Variants in ARPP21 observed in about 807,000 individuals in gnomAD.
The protein encoded by ARPP21 is cAMP-regulated phosphoprotein 21.
A neutral mutation model predicts 113.2 loss-of-function variants in ARPP21; 69 were observed. That is an observed-to-expected ratio of 0.61 (90% CI 0.50 to 0.74). ARPP21 has a LOEUF of 0.74. ARPP21 is among the 30% of genes least tolerant of loss of function. ARPP21 has a pLI of 0.00. For missense variants in ARPP21, 1,070 were observed against 1,037.4 expected (o/e 1.03, Z -0.43); for synonymous variants, 368 against 375.5 (o/e 0.98, Z 0.23).
intron 18 of ARPP21, among the ~76,000 whole-genome samples, chr3:35,743,462 G>A (rs2094806163): frequency 6.6e-6 from 1 of 152,082 alleles, no homozygotes; most frequent in Non-Finnish European, 1.5e-5. Context: ...CAGTCAATTG[G>A]GGGTACCTGT....
intron 18 of ARPP21, among the ~76,000 whole-genome samples, chr3:35,742,293 G>T (rs1477363487): frequency 6.6e-6 from 1 of 152,168 alleles, no homozygotes; most frequent in Non-Finnish European, 1.5e-5. Context: ...GATGAAAGTT[G>T]TTCCTATTTT....
At chr3:35,738,139 G>A in intron 16 of ARPP21, 75 bp from the exon 17 acceptor site, 3 of 914,738 alleles carry the variant, frequency 3.3e-6, no homozygotes, top group South Asian at 2.9e-5. Flanking sequence ...GCCTATGAAG[G>A]ACAGTGGTGT....
intron 19 of ARPP21, among the ~76,000 whole-genome samples, chr3:35,760,316 T>G (rs1167172132): frequency 6.6e-6 from 1 of 152,074 alleles, no homozygotes. Context: ...TTGGTGGCAT[T>G]GTCTTGAAGA....
rs138453049 is a variant in ARPP21 at position 35,718,065 on chromosome 3, G to A, written c.995+708G>A. The stretch of plus-strand genomic sequence containing the variant: ...TTAATGTGTTAATGTGTTTATGAGT[G>A]TTAGGATTTACCTCCGTTGCAGGAA... On this transcript the variant is annotated intron_variant, in intron 13 of 20. Transcript: ENST00000684406. Among the ~76,000 whole-genome samples, 545 of 152,240 alleles carry A rather than the reference G, an allele frequency of 3.6e-3. 3 individuals are homozygous for A. The highest frequency in any genetic ancestry group is 0.012 in the African/African-American group (505 of 41,558).
rs1168077818 is a variant in ARPP21, at chr3:35,729,287, T to G, written c.1226-16T>G. 1 of 1,580,966 alleles carries G rather than the reference T, an allele frequency of 6.3e-7. No individual in the cohort carries two copies. The highest frequency in any genetic ancestry group is 1.3e-5 in the African/African-American group (1 of 74,266). ...TCTGTGTGTTCAATGATTTGTTGAT[T>G]GTATCCCTATGCCAGGTTCCGAGTC... On this transcript the variant is annotated splice_polypyrimidine_tract_variant and intron_variant, in intron 14 of 20. Coordinates refer to ENST00000684406, the MANE Select transcript of ARPP21 (RefSeq NM_001385562.1).
At chr3:35,691,572 G>T (rs760553966) in intron 9 of ARPP21, among the ~76,000 whole-genome samples, 1 of 151,494 alleles carries the variant, frequency 6.6e-6, no homozygotes, top group Non-Finnish European at 1.5e-5. Context: ...TTTTAAGCTA[G>T]ATGAAACATC....
chr3:35,670,580 G>C (rs1394953652), intron 1 of ARPP21, among the ~76,000 whole-genome samples: 1 of 151,998 alleles, frequency 6.6e-6, no homozygotes, highest in Non-Finnish European at 1.5e-5. Flanking sequence ...ATCTCTTTCA[G>C]TTATTTTCAA....
At chr3:35,682,215 C>G (rs2079114757) in intron 3 of ARPP21, among the ~76,000 whole-genome samples, 1 of 151,758 alleles carries the variant, frequency 6.6e-6, no homozygotes, top group African/African-American at 2.4e-5. Flanking sequence ...AATGAATTTG[C>G]TATTCTGTGG....
intron 1 of ARPP21, among the ~76,000 whole-genome samples, chr3:35,662,519 A>G (rs911750511): frequency 6.6e-6 from 1 of 152,186 alleles, no homozygotes; most frequent in Admixed American, 6.5e-5. Context: ...GGGGAGCAGG[A>G]CTGGGCAGAG....
At chr3:35,681,425 A>T (rs926347098) in intron 2 of ARPP21, 3 of 218,132 alleles carry the variant, frequency 1.4e-5, no homozygotes, top group African/African-American at 6.8e-5. Flanking sequence ...TGTAGTGGAG[A>T]ATGGGGAACT....
At chr3:35,653,209 G>A (rs1703202648) in intron 1 of ARPP21, among the ~76,000 whole-genome samples, 1 of 152,036 alleles carries the variant, frequency 6.6e-6, no homozygotes, top group Admixed American at 6.6e-5. Context: ...CTTTTTGGCT[G>A]TAGTCATAGC....
intron 19 of ARPP21, among the ~76,000 whole-genome samples, chr3:35,748,338 AAAG>A (rs796263468): frequency 5.3e-5 from 8 of 150,882 alleles, no homozygotes; most frequent in African/African-American, 1.7e-4. Flanking sequence ...GAAAGAAAGA[AAAG>A]AAAGGGAGAA....
At chr3:35,705,089 G>T (rs531385127) in intron 9 of ARPP21, among the ~76,000 whole-genome samples, 2 of 151,978 alleles carry the variant, frequency 1.3e-5, no homozygotes, top group Non-Finnish European at 2.9e-5. Context: ...CTTAACTGGA[G>T]TTTATCAGAT....
intron 19 of ARPP21, among the ~76,000 whole-genome samples, chr3:35,764,559 C>A (rs2151379738): frequency 6.6e-6 from 1 of 152,214 alleles, no homozygotes; most frequent in Admixed American, 6.5e-5. Flanking sequence ...TGATTTATGA[C>A]AGTGAGTGGA....
At chr3:35,757,233 A>G (rs144350667) in intron 19 of ARPP21, among the ~76,000 whole-genome samples, 154 of 151,918 alleles carry the variant, frequency 1.0e-3, no homozygotes, top group African/African-American at 3.6e-3. Flanking sequence ...TAATTAAAAA[A>G]AAAAAAAATT....
At chr3:35,747,488 A>T (rs2095140962) in intron 19 of ARPP21, among the ~76,000 whole-genome samples, 1 of 152,222 alleles carries the variant, frequency 6.6e-6, no homozygotes, top group Non-Finnish European at 1.5e-5. Flanking sequence ...CAATTTACAA[A>T]TATCTCCAAC....
chr3:35,650,108 C>A (rs1701826768), intron 1 of ARPP21: 1 of 152,052 alleles, frequency 6.6e-6, no homozygotes, highest in South Asian at 2.1e-4. Flanking sequence ...GCTTTAGGAA[C>A]ATGTAGAAAG....
intron 19 of ARPP21, among the ~76,000 whole-genome samples, chr3:35,778,495 T>C (rs1341909883): frequency 6.6e-6 from 1 of 152,164 alleles, no homozygotes; most frequent in Non-Finnish European, 1.5e-5. Context: ...CAGCTCTTGC[T>C]AACTGCTCCT....
At chr3:35,670,823 C>A (rs1461199170) in intron 1 of ARPP21, among the ~76,000 whole-genome samples, 1 of 152,136 alleles carries the variant, frequency 6.6e-6, no homozygotes. Context: ...ATCCTTTCAA[C>A]AAGCTGGTAT....
Sources: gnomAD v4.1 joint callset for allele counts (sites outside exome capture counted in the v4.1 genomes callset) on GRCh38, gnomAD v4.1.1 for gene constraint, MANE v1.5 for transcripts, NCBI Gene and HGNC (gene_info 2026-07-23, HGNC 2026-07-21) for gene names.